Variants in MAST2 observed in about 807,000 individuals in gnomAD.
MAST2 encodes the protein microtubule associated serine/threonine kinase 2, also known as microtubule-associated serine/threonine-protein kinase 2.
A neutral mutation model predicts 147.4 loss-of-function variants in MAST2; 70 were observed. The ratio of observed to expected loss-of-function variants is 0.47; its 90% CI spans 0.39 to 0.58. The LOEUF (loss-of-function observed/expected upper bound fraction) is 0.58. Among genes scored for constraint, MAST2 ranks in the 20% least tolerant of loss-of-function variants. The probability of loss-of-function intolerance (pLI) is 0.00; values close to 1 mark genes in which losing one functional copy is unlikely to be tolerated. For missense variants in MAST2, 2,080 were observed against 2,302.3 expected (o/e 0.90, Z 1.98); for synonymous variants, 869 against 896.8 (o/e 0.97, Z 0.55).
intron 3 of MAST2, among the ~76,000 whole-genome samples, chr1:45,874,007 GA>G (rs1159821535): frequency 6.6e-6 from 1 of 152,092 alleles, no homozygotes; most frequent in East Asian, 1.9e-4. Context: ...TTTTTGTAGA[GA>G]TGGGGTTTCA....
chr1:45,832,134 A>G (rs968525964), intron 3 of MAST2, among the ~76,000 whole-genome samples: 15 of 151,920 alleles, frequency 9.9e-5, no homozygotes, highest in South Asian at 6.3e-4. Flanking sequence ...AGATTTTCCT[A>G]CTTGGTCCCA....
intron 24 of MAST2, 142 bp from the exon 25 acceptor site, chr1:46,032,036 C>T (rs1040712660): frequency 1.5e-6 from 1 of 670,876 alleles, no homozygotes; most frequent in Non-Finnish European, 2.7e-6. Context: ...CGGGAGAGGG[C>T]TTCACAGGTC....
chr1:45,936,696 A>C (rs1236632153), intron 4 of MAST2, among the ~76,000 whole-genome samples: 1 of 152,102 alleles, frequency 6.6e-6, no homozygotes, highest in Non-Finnish European at 1.5e-5. Context: ...TCAAGCAGAC[A>C]ACTTCCTTAT....
At chr1:45,913,585 C>T (rs1047109408) in intron 4 of MAST2, 3 of 992,188 alleles carry the variant, frequency 3.0e-6, no homozygotes, top group Admixed American at 6.1e-5. Flanking sequence ...CAGAGGACAG[C>T]TGATTCATTT....
intron 3 of MAST2, among the ~76,000 whole-genome samples, chr1:45,831,770 A>C (rs2147830699): frequency 7.7e-6 from 1 of 130,272 alleles, no homozygotes; most frequent in South Asian, 2.5e-4. Flanking sequence ...CAGATCTAAG[A>C]AGTTTAATAG....
chr1:46,019,174 C>G (rs547794463), intron 10 of MAST2, among the ~76,000 whole-genome samples: 1 of 146,992 alleles, frequency 6.8e-6, no homozygotes, highest in African/African-American at 2.4e-5. Context: ...TTAGTGTACT[C>G]TCTACACTGC....
At position 45,982,584 on chromosome 1, in the gene MAST2, A is replaced by G. The variant is rs190256579; in HGVS notation, c.593-15140A>G. ...CCCGGATTCCACAAGGAGAGGGCAC[A>G]GGATCTCTACTTCCCCTCCCACACC... On this transcript the variant is annotated intron_variant, in intron 5 of 28. Coordinates refer to ENST00000361297, the MANE Select transcript of MAST2 (RefSeq NM_015112.3). Among the ~76,000 whole-genome samples, 4 of 152,360 alleles carry G rather than the reference A, an allele frequency of 2.6e-5. No individual in the cohort carries two copies. The East Asian group carries it at 7.7e-4, about 29-fold the overall frequency.
intron 1 of MAST2, among the ~76,000 whole-genome samples, chr1:45,809,249 T>G (rs982919445): frequency 6.6e-6 from 1 of 152,252 alleles, no homozygotes; most frequent in African/African-American, 2.4e-5. Context: ...TTAGGCACTT[T>G]GATATACTTT....
chr1:46,033,720 A>G, intron 26 of MAST2, 82 bp from the exon 27 acceptor site: 3 of 1,557,128 alleles, frequency 1.9e-6, no homozygotes, highest in East Asian at 2.3e-5. Flanking sequence ...TGGTATAGCC[A>G]TGCCAGAAGG....
At chr1:45,858,229 A>G (rs1256874889) in intron 3 of MAST2, among the ~76,000 whole-genome samples, 2 of 152,096 alleles carry the variant, frequency 1.3e-5, no homozygotes, top group Admixed American at 6.6e-5. Flanking sequence ...AGTCCCACCA[A>G]CAGTGTAAAA....
At chr1:45,852,528 ATT>A (rs530831596) in intron 3 of MAST2, among the ~76,000 whole-genome samples, 24 of 135,746 alleles carry the variant, frequency 1.8e-4, no homozygotes, top group East Asian at 2.2e-4. Context: ...TGCCTGGCTA[ATT>A]TTTTTTTTTT....
chr1:46,004,531 T>C (rs1449274250), intron 7 of MAST2, among the ~76,000 whole-genome samples: 1 of 152,186 alleles, frequency 6.6e-6, no homozygotes, highest in Non-Finnish European at 1.5e-5. Context: ...TTACATTGCC[T>C]CACTAGTTTC....
intron 4 of MAST2, among the ~76,000 whole-genome samples, chr1:45,882,885 G>A (rs1646911739): frequency 6.6e-6 from 1 of 152,168 alleles, no homozygotes; most frequent in Non-Finnish European, 1.5e-5. Flanking sequence ...TGGCTTCAGG[G>A]TTAGGGGAGA....
At chr1:45,960,470 C>G (rs1385130362) in intron 5 of MAST2, among the ~76,000 whole-genome samples, 2 of 152,084 alleles carry the variant, frequency 1.3e-5, no homozygotes, top group Non-Finnish European at 2.9e-5. Flanking sequence ...CCACTGCACT[C>G]CAGCCTGGGC....
chr1:45,936,690 GCAGA>G (rs1177835962), intron 4 of MAST2, among the ~76,000 whole-genome samples: 1 of 152,040 alleles, frequency 6.6e-6, no homozygotes, highest in Admixed American at 6.6e-5. Flanking sequence ...TTCTCTTCAA[GCAGA>G]CAACTTCCTT....
chr1:45,873,942 C>A (rs1248512859), intron 3 of MAST2, among the ~76,000 whole-genome samples: 1 of 152,118 alleles, frequency 6.6e-6, no homozygotes, highest in African/African-American at 2.4e-5. Context: ...CACCTCAGCC[C>A]CCTGAGTAGC....
At chr1:45,979,868 G>T (rs1300777239) in intron 5 of MAST2, among the ~76,000 whole-genome samples, 2 of 152,114 alleles carry the variant, frequency 1.3e-5, no homozygotes, top group South Asian at 2.1e-4. Flanking sequence ...CTATAAAAAA[G>T]AATGAAATCA....
At chr1:45,906,245 A>G (rs1163044049) in intron 4 of MAST2, among the ~76,000 whole-genome samples, 2 of 152,234 alleles carry the variant, frequency 1.3e-5, no homozygotes, top group Admixed American at 6.5e-5. Context: ...AACAGACTGC[A>G]TAGACACTGG....
intron 4 of MAST2, among the ~76,000 whole-genome samples, chr1:45,957,771 T>C (rs1217075465): frequency 6.6e-6 from 1 of 152,218 alleles, no homozygotes; most frequent in East Asian, 1.9e-4. Flanking sequence ...CAGGCAGTAA[T>C]GAGGCCCCAC....
Sources: gnomAD v4.1 joint callset for allele counts (sites outside exome capture counted in the v4.1 genomes callset) on GRCh38, gnomAD v4.1.1 for gene constraint, MANE v1.5 for transcripts, NCBI Gene and HGNC (gene_info 2026-07-23, HGNC 2026-07-21) for gene names.